LINGO2: variants seen among roughly 807,000 people sequenced by gnomAD.
The protein encoded by LINGO2 is leucine rich repeat and Ig domain containing 2.
In LINGO2, 14 loss-of-function variants were observed where a neutral mutation model predicts 30.6. The ratio of observed to expected loss-of-function variants is 0.46; its 90% CI spans 0.30 to 0.72. The LOEUF (loss-of-function observed/expected upper bound fraction) is 0.72. Among genes scored for constraint, LINGO2 ranks in the 30% least tolerant of loss-of-function variants. The pLI, the probability that LINGO2 is intolerant of heterozygous loss-of-function variation, is 0.07. For missense variants in LINGO2, 729 were observed against 751.7 expected (o/e 0.97, Z 0.35); for synonymous variants, 317 against 288.5 (o/e 1.10, Z -1.00).
intron 4 of LINGO2, among the ~76,000 whole-genome samples, chr9:28,038,701 A>T (rs1824060875): frequency 6.6e-6 from 1 of 152,080 alleles, no homozygotes; most frequent in Non-Finnish European, 1.5e-5. Flanking sequence ...TCAAAAAAAA[A>T]AAAAAAAGCC....
At chr9:28,012,418 A>AT (rs1165670277) in intron 4 of LINGO2, 3 of 151,982 alleles carry the variant, frequency 2.0e-5, no homozygotes, top group Non-Finnish European at 2.9e-5. Context: ...CAAGGATAAA[A>AT]AAAAAAAAAA....
chr9:28,603,861 C>T (rs193196981), intron 1 of LINGO2, among the ~76,000 whole-genome samples: 184 of 152,092 alleles, frequency 1.2e-3, no homozygotes, highest in Admixed American at 6.4e-3. Context: ...TTCTGCTGTC[C>T]ATTTTTATTG....
the LINGO2 span, among the ~76,000 whole-genome samples, chr9:29,109,011 A>G: frequency 6.6e-6 from 1 of 152,210 alleles, no homozygotes; most frequent in Non-Finnish European, 1.5e-5. Context: ...GCTAAAATAT[A>G]TAGCAATTTT....
intron 1 of LINGO2, among the ~76,000 whole-genome samples, chr9:28,621,342 G>C (rs1200938033): frequency 6.6e-6 from 1 of 151,666 alleles, no homozygotes; most frequent in Non-Finnish European, 1.5e-5. Context: ...GACATATAGA[G>C]TCATACCATA....
rs112597714 is a variant in LINGO2, at chr9:28,529,383, A to G, written c.-364-53358T>C. Among the ~76,000 whole-genome samples, 874 of 152,240 alleles carry G rather than the reference A, an allele frequency of 5.7e-3. 8 individuals carry two copies. Among genetic ancestry groups the G allele is most frequent in the African/African-American group, 0.02 (820 of 41,562 alleles). On this transcript the variant is annotated intron_variant, in intron 1 of 5. Transcript: ENST00000379992. ...AATGGTTTTGCATTTTAAATATGGT[A>G]TGTCAGGTGTCTAATACTGTTTTTC...
chr9:28,802,625 G>A, the LINGO2 span, among the ~76,000 whole-genome samples: 29 of 152,084 alleles, frequency 1.9e-4, no homozygotes, highest in African/African-American at 6.3e-4. Context: ...AGGAAATTAT[G>A]TTGGGTAGCA....
chr9:28,237,057 T>C (rs1172754466), intron 4 of LINGO2, among the ~76,000 whole-genome samples: 1 of 130,500 alleles, frequency 7.7e-6, no homozygotes, highest in Non-Finnish European at 1.6e-5. Flanking sequence ...AAATTTAAAG[T>C]CATAGGGTAA....
At chr9:29,087,239 C>T in the LINGO2 span, among the ~76,000 whole-genome samples, 3 of 152,226 alleles carry the variant, frequency 2.0e-5, no homozygotes, top group South Asian at 4.2e-4. Context: ...TCCCTGGTGA[C>T]CTGGGTAAGT....
the LINGO2 span, among the ~76,000 whole-genome samples, chr9:29,192,588 C>A: frequency 6.6e-6 from 1 of 152,214 alleles, no homozygotes; most frequent in African/African-American, 2.4e-5. Context: ...TAGGAAAAAA[C>A]AACTTGCCAG....
At chr9:29,125,909 C>A in the LINGO2 span, among the ~76,000 whole-genome samples, 34 of 152,088 alleles carry the variant, frequency 2.2e-4, no homozygotes, top group African/African-American at 8.2e-4. Flanking sequence ...TATAACTAAT[C>A]AAGCAAAATA....
At chr9:28,667,741 C>CAAAACA (rs914389308) in intron 1 of LINGO2, among the ~76,000 whole-genome samples, 6 of 152,002 alleles carry the variant, frequency 3.9e-5, no homozygotes, top group African/African-American at 1.2e-4. Context: ...GAGCCTCTGT[C>CAAAACA]AAAACAAAAA....
chr9:28,476,524 C>T (rs1026478110), intron 1 of LINGO2, among the ~76,000 whole-genome samples: 7 of 152,166 alleles, frequency 4.6e-5, no homozygotes, highest in African/African-American at 7.2e-5. Flanking sequence ...ATCCTCCCGC[C>T]GCGGCCTCCC....
At chr9:29,024,513 G>C in the LINGO2 span, among the ~76,000 whole-genome samples, 1 of 152,054 alleles carries the variant, frequency 6.6e-6, no homozygotes. Context: ...GACTATAGCA[G>C]CAGGGTCAAT....
At chr9:28,110,099 C>T (rs1826728532) in intron 4 of LINGO2, among the ~76,000 whole-genome samples, 1 of 152,134 alleles carries the variant, frequency 6.6e-6, no homozygotes, top group Non-Finnish European at 1.5e-5. Flanking sequence ...CACACATCTA[C>T]AATAATCTGA....
the LINGO2 span, among the ~76,000 whole-genome samples, chr9:29,075,100 T>G: frequency 1.6e-4 from 24 of 152,202 alleles, no homozygotes; most frequent in African/African-American, 5.8e-4. Flanking sequence ...GCATTCTTAA[T>G]TTATACTAGC....
intron 4 of LINGO2, among the ~76,000 whole-genome samples, chr9:28,262,941 T>C (rs1312036210): frequency 1.3e-5 from 2 of 151,998 alleles, no homozygotes; most frequent in African/African-American, 4.8e-5. Flanking sequence ...ACTCTAAACT[T>C]AGAAGCTTAC....
chr9:28,702,152 C>T, the LINGO2 span, among the ~76,000 whole-genome samples: 14,134 of 151,850 alleles, frequency 0.093, 1,003 homozygotes, highest in Admixed American at 0.22. Flanking sequence ...CATCAAGTCC[C>T]ATTATGTTGA....
At chr9:28,827,817 GA>G in the LINGO2 span, among the ~76,000 whole-genome samples, 1 of 152,190 alleles carries the variant, frequency 6.6e-6, no homozygotes, top group East Asian at 1.9e-4. Flanking sequence ...AAAGATAATG[GA>G]AATGGCAAGA....
chr9:28,868,882 C>T, the LINGO2 span, among the ~76,000 whole-genome samples: 1 of 151,972 alleles, frequency 6.6e-6, no homozygotes. Flanking sequence ...TTTAAGCCCC[C>T]AACTCACAAC....
Sources: gnomAD v4.1 joint callset for allele counts (sites outside exome capture counted in the v4.1 genomes callset) on GRCh38, gnomAD v4.1.1 for gene constraint, MANE v1.5 for transcripts, NCBI Gene and HGNC (gene_info 2026-07-23, HGNC 2026-07-21) for gene names.